Variants in LUZP2 observed in about 807,000 individuals in gnomAD.
LUZP2 encodes the protein leucine zipper protein 2.
LUZP2 carries 52 observed loss-of-function variants against 51.6 expected under a neutral mutation model. The ratio of observed to expected loss-of-function variants is 1.01; its 90% CI spans 0.81 to 1.27. The LOEUF (loss-of-function observed/expected upper bound fraction) is 1.27, where lower values mean the gene tolerates loss of function less well. Ranked by LOEUF, LUZP2 falls within the 50% of genes most tolerant of loss-of-function variation. The pLI is 0.00. For synonymous variants in LUZP2, 154 were observed against 137.3 expected, an observed-to-expected ratio of 1.12 and a Z score of -0.85; for missense variants, 436 against 395.4, an observed-to-expected ratio of 1.10 and a Z score of -0.87.
intron 5 of LUZP2, among the ~76,000 whole-genome samples, chr11:24,854,894 A>T (rs565777364): frequency 6.6e-6 from 1 of 151,960 alleles, no homozygotes; most frequent in South Asian, 2.1e-4. Context: ...GAATTTCTCG[A>T]CCCCTTTCAC....
intron 1 of LUZP2, among the ~76,000 whole-genome samples, chr11:24,581,251 A>G (rs77404680): frequency 0.014 from 2,121 of 152,258 alleles, 38 homozygotes; most frequent in South Asian, 0.059. Context: ...ATCCTGTCAT[A>G]AAAAGAACAA....
At chr11:24,529,997 A>G (rs930617733) in intron 1 of LUZP2, among the ~76,000 whole-genome samples, 1 of 150,942 alleles carries the variant, frequency 6.6e-6, no homozygotes, top group African/African-American at 2.4e-5. Context: ...TAAACACTTC[A>G]TTTTTAGGTT....
chr11:24,801,846 A>C (rs546268199), intron 5 of LUZP2, among the ~76,000 whole-genome samples: 1 of 151,014 alleles, frequency 6.6e-6, no homozygotes, highest in African/African-American at 2.4e-5. Context: ...AGCTGTCCCA[A>C]TTTTGAAAAA....
Position 24,763,292 on chromosome 11 carries a change from G to A in LUZP2, c.380G>A (p.Arg127Gln), listed in dbSNP as rs1389957491. The A allele has an allele frequency of 2.5e-5, 35 of 1,377,532 alleles. No individual in the cohort carries two copies. The highest frequency in any genetic ancestry group is 3.0e-5 in the African/African-American group (2 of 66,412). 85.3% of individuals were successfully genotyped at this position (1,377,532 alleles called of 1,614,324 possible). A position where few individuals can be genotyped will look rare whatever the true frequency, so the allele number is the denominator to read the frequency against. The stretch of plus-strand genomic sequence containing the variant: ...GTTGAAAGAAAGAGCAAAATGATCC[G>A]AGACCTCCAGAATGAGGTAAGATAT... ...TEVERKSKMI[R>Q]DLQNENKSLK... The change falls in exon 5 of 12, where the codon CGA (arginine) becomes CAA (glutamine). Residue 127 changes from arginine (R) to glutamine (Q), a missense_variant. By Grantham distance (43) the Arg-to-Gln change is conservative. Transcript: ENST00000336930.
At chr11:24,967,698 A>T (rs1391119402) in intron 7 of LUZP2, among the ~76,000 whole-genome samples, 1 of 151,586 alleles carries the variant, frequency 6.6e-6, no homozygotes, top group African/African-American at 2.4e-5. Flanking sequence ...TCTTTTTAGA[A>T]TTTTCATTTG....
chr11:24,968,751 C>T (rs1396669340), intron 7 of LUZP2, among the ~76,000 whole-genome samples: 1 of 152,224 alleles, frequency 6.6e-6, no homozygotes, highest in African/African-American at 2.4e-5. Context: ...CTGTTCTAAA[C>T]TCTGCTTTCC....
chr11:24,694,259 G>C (rs1167783947), intron 1 of LUZP2, among the ~76,000 whole-genome samples: 1 of 151,952 alleles, frequency 6.6e-6, no homozygotes, highest in African/African-American at 2.4e-5. Context: ...TGTTGTTCCA[G>C]TTCAAGGATT....
At chr11:24,795,368 C>T (rs1164590595) in intron 5 of LUZP2, among the ~76,000 whole-genome samples, 1 of 152,006 alleles carries the variant, frequency 6.6e-6, no homozygotes, top group Non-Finnish European at 1.5e-5. Context: ...ACTAATTATT[C>T]ACTGAGTATA....
rs192713126 is a variant in LUZP2 at position 24,683,480 on chromosome 11, C to A, written c.63-45689C>A. 5.3e-5 allele frequency among the ~76,000 whole-genome samples: 8 copies of A among 152,292 alleles called. 1 individual carries two copies. Among genetic ancestry groups the A allele is most frequent in the Admixed American group, 2.0e-4 (3 of 15,290 alleles). On this transcript the variant is annotated intron_variant, in intron 1 of 11. Transcript: ENST00000336930. ...TTATATTTCAACATTCATTTCTACT[C>A]ACTTTTAGTGGTAATAATTTTAAGA...
chr11:24,649,976 G>GAGAC (rs1554968028), intron 1 of LUZP2, among the ~76,000 whole-genome samples: 6,225 of 146,886 alleles, frequency 0.042, 149 homozygotes, highest in African/African-American at 0.058. Flanking sequence ...TACACACAGA[G>GAGAC]ACACACACAC....
intron 1 of LUZP2, among the ~76,000 whole-genome samples, chr11:24,527,743 T>C (rs1000606002): frequency 2.6e-5 from 4 of 151,346 alleles, no homozygotes; most frequent in African/African-American, 9.7e-5. Flanking sequence ...TTCTTTCTTA[T>C]AAATTGGGTC....
At chr11:24,901,809 A>G (rs989542837) in intron 5 of LUZP2, among the ~76,000 whole-genome samples, 1 of 152,184 alleles carries the variant, frequency 6.6e-6, no homozygotes, top group Non-Finnish European at 1.5e-5. Context: ...CTCATTGGCT[A>G]TAAATCCCCA....
intron 5 of LUZP2, among the ~76,000 whole-genome samples, chr11:24,865,437 A>G (rs997616500): frequency 1.3e-5 from 2 of 152,212 alleles, no homozygotes; most frequent in African/African-American, 4.8e-5. Context: ...GATTTAGTAA[A>G]TTATTTCTTA....
chr11:24,832,776 G>A (rs894528335), intron 5 of LUZP2, among the ~76,000 whole-genome samples: 3 of 151,992 alleles, frequency 2.0e-5, no homozygotes, highest in African/African-American at 7.2e-5. Context: ...TAATATTAAT[G>A]TCAGAGCTGA....
intron 7 of LUZP2, among the ~76,000 whole-genome samples, chr11:24,924,428 C>G (rs1854167452): frequency 6.6e-6 from 1 of 152,034 alleles, no homozygotes; most frequent in Admixed American, 6.6e-5. Flanking sequence ...CTTTACTGCC[C>G]GTTCCTGCCC....
chr11:24,544,659 A>G (rs1156535968), intron 1 of LUZP2, among the ~76,000 whole-genome samples: 1 of 152,092 alleles, frequency 6.6e-6, no homozygotes, highest in East Asian at 1.9e-4. Context: ...TATACATACC[A>G]TATTTCCTTT....
chr11:24,500,245 C>T (rs556415126), intron 1 of LUZP2, among the ~76,000 whole-genome samples: 54 of 152,080 alleles, frequency 3.6e-4, no homozygotes, highest in African/African-American at 1.0e-3. Flanking sequence ...TTTTAAAAAA[C>T]GAACAAAGAA....
At chr11:24,655,087 C>G (rs1412936630) in intron 1 of LUZP2, among the ~76,000 whole-genome samples, 2 of 152,028 alleles carry the variant, frequency 1.3e-5, no homozygotes, top group Non-Finnish European at 2.9e-5. Flanking sequence ...ATCTGGACAT[C>G]AGTTGTTTTA....
intron 5 of LUZP2, among the ~76,000 whole-genome samples, chr11:24,859,883 G>A (rs1851686161): frequency 6.6e-6 from 1 of 152,194 alleles, no homozygotes; most frequent in African/African-American, 2.4e-5. Context: ...CTGGGGCCTA[G>A]TGTCCCAACC....
Sources: gnomAD v4.1 joint callset for allele counts (sites outside exome capture counted in the v4.1 genomes callset) on GRCh38, gnomAD v4.1.1 for gene constraint, MANE v1.5 for transcripts, NCBI Gene and HGNC (gene_info 2026-07-23, HGNC 2026-07-21) for gene names.